SNAP25: variants seen among roughly 807,000 people sequenced by gnomAD.
The protein encoded by SNAP25 is synaptosome associated protein 25, also known as synaptosomal-associated protein 25.
Under a neutral mutation model 28.7 loss-of-function variants are expected in SNAP25, and 3 were observed. The observed-to-expected ratio is 0.10, with a 90% confidence interval of 0.05 to 0.27. The LOEUF is 0.27. Among genes scored for constraint, SNAP25 ranks in the 10% least tolerant of loss-of-function variants. The probability of loss-of-function intolerance (pLI) is 1.00; values close to 1 mark genes in which losing one functional copy is unlikely to be tolerated. For missense variants in SNAP25, 117 were observed against 278.7 expected, an observed-to-expected ratio of 0.42 and a Z score of 4.13; for synonymous variants, 61 against 88.1, an observed-to-expected ratio of 0.69 and a Z score of 1.72.
chr20:10,279,593 A>C (rs2063746905), intron 3 of SNAP25, among the ~76,000 whole-genome samples: 1 of 152,234 alleles, frequency 6.6e-6, no homozygotes, highest in Non-Finnish European at 1.5e-5. Context: ...ATCGTCTTAA[A>C]CTGCAAGCCA....
intron 1 of SNAP25, among the ~76,000 whole-genome samples, chr20:10,268,892 C>T (rs2063548375): frequency 6.6e-6 from 1 of 152,038 alleles, no homozygotes; most frequent in African/African-American, 2.4e-5. Context: ...AAACATCTGT[C>T]TCAGATGTTT....
intron 1 of SNAP25, among the ~76,000 whole-genome samples, chr20:10,230,385 A>G (rs2062808239): frequency 6.6e-6 from 1 of 152,152 alleles, no homozygotes; most frequent in Non-Finnish European, 1.5e-5. Context: ...TCCTTCTTCT[A>G]CACAGTTAAT....
chr20:10,291,447 CTTA>C (rs2063996453), intron 4 of SNAP25, among the ~76,000 whole-genome samples: 1 of 152,138 alleles, frequency 6.6e-6, no homozygotes, highest in South Asian at 2.1e-4. Flanking sequence ...CCTGCACTAC[CTTA>C]TTATCTCCTC....
At chr20:10,268,826 C>T (rs1318000607) in intron 1 of SNAP25, among the ~76,000 whole-genome samples, 3 of 152,136 alleles carry the variant, frequency 2.0e-5, no homozygotes, top group Non-Finnish European at 2.9e-5. Context: ...GCCTGCCCAC[C>T]GTGAAGCAAG....
intron 1 of SNAP25, among the ~76,000 whole-genome samples, chr20:10,226,955 A>T (rs956530127): frequency 1.3e-5 from 2 of 152,152 alleles, no homozygotes; most frequent in African/African-American, 4.8e-5. Context: ...GAAACATGGT[A>T]CCTCCTGGGC....
intron 4 of SNAP25, among the ~76,000 whole-genome samples, chr20:10,287,164 T>G (rs1185763937): frequency 5.3e-5 from 8 of 152,050 alleles, no homozygotes; most frequent in Non-Finnish European, 1.2e-4. Flanking sequence ...AAATGGGATC[T>G]CATTAAACTA....
At chr20:10,240,462 A>G (rs138073903) in intron 1 of SNAP25, among the ~76,000 whole-genome samples, 2 of 152,304 alleles carry the variant, frequency 1.3e-5, no homozygotes, top group African/African-American at 4.8e-5. Flanking sequence ...TCATGCTCAC[A>G]GGTGCCCCCC....
chr20:10,277,789 A>G (rs2123020118), intron 3 of SNAP25, 63 bp downstream of exon 3: 1 of 1,442,126 alleles, frequency 6.9e-7, no homozygotes, highest in East Asian at 2.3e-5. Flanking sequence ...ATCCTTTCCT[A>G]GTTGCTATGA....
intron 7 of SNAP25, among the ~76,000 whole-genome samples, chr20:10,303,208 T>C (rs1230928052): frequency 1.3e-5 from 2 of 152,206 alleles, no homozygotes; most frequent in African/African-American, 4.8e-5. Flanking sequence ...ATACCATTTG[T>C]AGCTGGAAAG....
chr20:10,265,281 G>T (rs1016991031), intron 1 of SNAP25, among the ~76,000 whole-genome samples: 4 of 152,288 alleles, frequency 2.6e-5, no homozygotes, highest in Admixed American at 2.0e-4. Context: ...GATTTAAGAA[G>T]TGTCCATTCT....
chr20:10,224,421 T>C (rs1421586602), intron 1 of SNAP25, among the ~76,000 whole-genome samples: 1 of 151,812 alleles, frequency 6.6e-6, no homozygotes, highest in African/African-American at 2.4e-5. Context: ...AGTCTTTAAA[T>C]TAGTCAGTGC....
chr20:10,258,139 G>C (rs1322552205), intron 1 of SNAP25, among the ~76,000 whole-genome samples: 2 of 152,086 alleles, frequency 1.3e-5, no homozygotes, highest in Non-Finnish European at 2.9e-5. Flanking sequence ...TTACATGTTT[G>C]TTAATTTAGA....
chr20:10,275,069 T>TAAAA (rs1555791825), intron 1 of SNAP25, among the ~76,000 whole-genome samples: 1,399 of 131,970 alleles, frequency 0.011, 37 homozygotes, highest in African/African-American at 0.036. Flanking sequence ...ATAGAGCTAT[T>TAAAA]TAAATAAATA....
chr20:10,235,382 T>C (rs1454125594), intron 1 of SNAP25, among the ~76,000 whole-genome samples: 2 of 152,254 alleles, frequency 1.3e-5, no homozygotes, highest in Non-Finnish European at 2.9e-5. Flanking sequence ...ATAACAATAT[T>C]TAGTGGTAAG....
chr20:10,272,875 T>C (rs2063621461), intron 1 of SNAP25, among the ~76,000 whole-genome samples: 1 of 152,226 alleles, frequency 6.6e-6, no homozygotes, highest in Non-Finnish European at 1.5e-5. Context: ...CGGCAATCAC[T>C]GGGTAGAGAA....
At chr20:10,235,551 G>A (rs772616315) in intron 1 of SNAP25, among the ~76,000 whole-genome samples, 2 of 152,192 alleles carry the variant, frequency 1.3e-5, no homozygotes, top group Non-Finnish European at 2.9e-5. Context: ...AGGGAGGAGT[G>A]GATCCACATG....
At chr20:10,221,141 C>G (rs2062625607) in intron 1 of SNAP25, among the ~76,000 whole-genome samples, 1 of 152,170 alleles carries the variant, frequency 6.6e-6, no homozygotes, top group African/African-American at 2.4e-5. Flanking sequence ...TGCTGCATGT[C>G]CAGACAGCTG....
intron 1 of SNAP25, among the ~76,000 whole-genome samples, chr20:10,270,384 C>T (rs773320687): frequency 6.6e-6 from 1 of 152,102 alleles, no homozygotes; most frequent in Non-Finnish European, 1.5e-5. Flanking sequence ...GCAGCTTCAG[C>T]ATCACCTGAA....
chr20:10,258,538 C>A (rs2063359319), intron 1 of SNAP25, among the ~76,000 whole-genome samples: 1 of 152,190 alleles, frequency 6.6e-6, no homozygotes, highest in South Asian at 2.1e-4. Context: ...TCCCAATGTT[C>A]TCAGAACATG....
Sources: allele counts gnomAD v4.1 joint callset (sites outside exome capture counted in the v4.1 genomes callset), GRCh38; gene constraint gnomAD v4.1.1; transcripts MANE v1.5; gene names NCBI Gene and HGNC (gene_info 2026-07-23, HGNC 2026-07-21).